The following ABCB5 variants were observed in gnomAD, a reference collection of about 807,000 sequenced individuals.
The protein encoded by ABCB5 is ATP binding cassette subfamily B member 5, also known as ATP-binding cassette sub-family B member 5.
In ABCB5, 155 loss-of-function variants were observed where a neutral mutation model predicts 144.2. The observed-to-expected ratio is 1.08, with a 90% CI of 0.94 to 1.23. The LOEUF (loss-of-function observed/expected upper bound fraction) is 1.23, where lower values mean the gene tolerates loss of function less well. Ranked by LOEUF, ABCB5 falls within the 50% of genes most tolerant of loss-of-function variation. ABCB5 has a pLI of 0.00. For synonymous variants in ABCB5, 610 were observed against 528.6 expected (o/e 1.15, Z -2.11); for missense variants, 1,830 against 1,520.8 (o/e 1.20, Z -3.38).
At chr7:20,618,841 C>T (rs1232651717) in intron 1 of ABCB5, among the ~76,000 whole-genome samples, 1 of 117,488 alleles carries the variant, frequency 8.5e-6, no homozygotes, top group Non-Finnish European at 1.6e-5. Flanking sequence ...GTGGCACGAT[C>T]TCAGCTCACT....
At chr7:20,625,046 T>C (rs1313181854) in intron 2 of ABCB5, among the ~76,000 whole-genome samples, 1 of 152,220 alleles carries the variant, frequency 6.6e-6, no homozygotes, top group South Asian at 2.1e-4. Context: ...TTAGAAATTA[T>C]TTCCCTGAAA....
chr7:20,682,870 G>T (rs775226231), intron 15 of ABCB5, among the ~76,000 whole-genome samples: 6 of 152,130 alleles, frequency 3.9e-5, no homozygotes, highest in Non-Finnish European at 7.3e-5. Context: ...CCATACTTGC[G>T]TGTGTCATGG....
At chr7:20,751,520 A>G (rs1782930814) in intron 26 of ABCB5, among the ~76,000 whole-genome samples, 1 of 152,150 alleles carries the variant, frequency 6.6e-6, no homozygotes, top group South Asian at 2.1e-4. Context: ...CCTTCATCCA[A>G]TATGTTCTTT....
At chr7:20,745,577 A>G in intron 26 of ABCB5, 139 bp downstream of exon 26, 1 of 888,292 alleles carries the variant, frequency 1.1e-6, no homozygotes, top group East Asian at 2.7e-5. Context: ...GATGTAAAAC[A>G]TGAAGTCAGA....
At chr7:20,721,447 C>G (rs922580067) in intron 20 of ABCB5, among the ~76,000 whole-genome samples, 14 of 152,072 alleles carry the variant, frequency 9.2e-5, no homozygotes, top group African/African-American at 3.4e-4. Context: ...TTTTGAGTAC[C>G]TTTATATATT....
At chr7:20,660,823 T>C (rs932911256) in intron 14 of ABCB5, among the ~76,000 whole-genome samples, 9 of 152,174 alleles carry the variant, frequency 5.9e-5, no homozygotes, top group Non-Finnish European at 1.2e-4. Flanking sequence ...ATAGAATCTA[T>C]ACCCACTTCA....
Position 20,632,067 on chromosome 7 carries a change from C to A in ABCB5, c.268C>A (p.Gln90Lys). 1 of 1,513,578 alleles carries A rather than the reference C, an allele frequency of 6.6e-7. No homozygotes were observed. Among genetic ancestry groups the A allele is most frequent in the Non-Finnish European group, 8.9e-7 (1 of 1,129,106 alleles). The allele number at this position is 1,513,578 out of a possible 1,614,324, so 93.8% of individuals were successfully genotyped here. Reference sequence around the variant, plus strand: ...AATAACCTTTTTTACAGCAAATTATCAGAACTGTACTCAGTCTCAAGAGAA... The same window carrying A: ...AATAACCTTTTTTACAGCAAATTATAAGAACTGTACTCAGTCTCAAGAGAA... ...CLVQTNTTNY[Q>K]NCTQSQEKLN... Residue 90 changes from glutamine (Q) to lysine (K), a missense_variant, in exon 5 of 28, where the codon CAG (glutamine) becomes AAG (lysine). Transcript: ENST00000404938.
intron 20 of ABCB5, among the ~76,000 whole-genome samples, chr7:20,713,812 C>T (rs1781577219): frequency 1.3e-5 from 2 of 149,530 alleles, no homozygotes; most frequent in Admixed American, 6.7e-5. Context: ...CCAGTCCTGA[C>T]ATGTATGCAC....
chr7:20,625,245 T>A (rs946057708), intron 2 of ABCB5, among the ~76,000 whole-genome samples: 8 of 152,202 alleles, frequency 5.3e-5, no homozygotes, highest in Non-Finnish European at 8.8e-5. Flanking sequence ...TTAAGTGAAT[T>A]GTCATTTATC....
intron 7 of ABCB5, among the ~76,000 whole-genome samples, chr7:20,644,918 T>C (rs1459932549): frequency 6.6e-6 from 1 of 152,214 alleles, no homozygotes; most frequent in Admixed American, 6.5e-5. Flanking sequence ...ATCCTCAACT[T>C]ATTTGAAATG....
Position 20,658,628 on chromosome 7 carries a change from T to G in ABCB5, c.1659T>G (p.Ser553=), listed in dbSNP as rs78859324. ...PKILILDEAT[S]ALDSESKSAV... Reference sequence around the variant, plus strand: ...TTCTGATTTTAGATGAGGCTACGTCTGCCCTGGATTCAGAAAGCAAGTCAG... The same window carrying G: ...TTCTGATTTTAGATGAGGCTACGTCGGCCCTGGATTCAGAAAGCAAGTCAG... The change falls in exon 14 of 28, where the codon TCT becomes TCG. Residue 553 remains serine, a synonymous_variant. Coordinates refer to ENST00000404938, the MANE Select transcript of ABCB5 (RefSeq NM_001163941.2). The G allele has an allele frequency of 5.0e-4, 812 of 1,614,194 alleles. 5 individuals are homozygous for G. In the African/African-American group the frequency reaches 9.8e-3, roughly 20 times the overall value.
intron 14 of ABCB5, among the ~76,000 whole-genome samples, chr7:20,670,173 T>C (rs953894916): frequency 2.6e-5 from 4 of 152,106 alleles, no homozygotes; most frequent in African/African-American, 9.7e-5. Flanking sequence ...TATTCAGGGA[T>C]GGGGATCCTA....
intron 16 of ABCB5, among the ~76,000 whole-genome samples, chr7:20,690,452 A>C (rs1176592416): frequency 2.6e-5 from 4 of 152,174 alleles, no homozygotes; most frequent in Non-Finnish European, 5.9e-5. Flanking sequence ...ACATTTCTTC[A>C]GGGAAGGATT....
rs184522367 is a variant in ABCB5 at position 20,652,725 on chromosome 7, T to A, written c.1536+1102T>A. ...AATGGGGTGCTGTAAAGCCTTTTTT[T>A]AAAAATATTTCCTGAAGTATTAGAT... On this transcript the variant is annotated intron_variant, in intron 13 of 27. Transcript: ENST00000404938. Among the ~76,000 whole-genome samples, 1,242 of 152,348 alleles carry A rather than the reference T, an allele frequency of 8.2e-3. 12 individuals carry two copies. Among genetic ancestry groups the A allele is most frequent in the South Asian group, 0.026 (125 of 4,828 alleles).
At chr7:20,635,104 T>A (rs1330358278) in intron 5 of ABCB5, among the ~76,000 whole-genome samples, 2 of 152,104 alleles carry the variant, frequency 1.3e-5, no homozygotes, top group Admixed American at 1.3e-4. Flanking sequence ...AGGGTCCAGT[T>A]TTATTCTTTT....
chr7:20,637,886 A>G (rs1329596498), intron 5 of ABCB5, among the ~76,000 whole-genome samples: 2 of 152,192 alleles, frequency 1.3e-5, no homozygotes, highest in East Asian at 1.9e-4. Flanking sequence ...CATTAAATCA[A>G]TCTTAATATG....
chr7:20,752,060 GA>G (rs1204059053), intron 26 of ABCB5, among the ~76,000 whole-genome samples: 1 of 152,198 alleles, frequency 6.6e-6, no homozygotes, highest in African/African-American at 2.4e-5. Flanking sequence ...TGCACTTCCT[GA>G]AGGCAGTCAG....
At chr7:20,622,753 T>C (rs556966442) in intron 1 of ABCB5, among the ~76,000 whole-genome samples, 3 of 152,270 alleles carry the variant, frequency 2.0e-5, no homozygotes, top group African/African-American at 7.2e-5. Flanking sequence ...GAATGGATTT[T>C]CAAAATATTC....
Position 20,651,227 on chromosome 7 carries a change from A to C in ABCB5, c.1333-193A>C, listed in dbSNP as rs142269708. 1.9e-3 allele frequency among the ~76,000 whole-genome samples: 295 copies of C among 152,304 alleles called. 1 individual carries two copies. The highest frequency in any genetic ancestry group is 6.7e-3 in the African/African-American group (280 of 41,580). ...GGTTTTAGGCCAATTATTCTTTTGC[A>C]GTTTTGTTGGTGCCCATCTACCAGA... is the stretch of plus-strand genomic sequence containing the variant. On this transcript the variant is annotated intron_variant, in intron 12 of 27. Transcript: ENST00000404938.
Sources: gnomAD v4.1 joint callset for allele counts (sites outside exome capture counted in the v4.1 genomes callset) on GRCh38, gnomAD v4.1.1 for gene constraint, MANE v1.5 for transcripts, NCBI Gene and HGNC (gene_info 2026-07-23, HGNC 2026-07-21) for gene names.